Variants in SOS1 observed in about 807,000 individuals in gnomAD.
SOS1 encodes SOS Ras/Rac guanine nucleotide exchange factor 1, also known as son of sevenless homolog 1.
In SOS1, 25 loss-of-function variants were observed where a neutral mutation model predicts 157.6. The observed-to-expected ratio is 0.16, with a 90% CI of 0.12 to 0.22. The LOEUF is 0.22. Ranked by LOEUF, SOS1 falls within the 10% of genes least tolerant of loss-of-function variation. The probability of loss-of-function intolerance (pLI) is 1.00; values close to 1 mark genes in which losing one functional copy is unlikely to be tolerated. For synonymous variants in SOS1, 528 were observed against 534.0 expected, an observed-to-expected ratio of 0.99 and a Z score of 0.16; for missense variants, 1,237 against 1,599.1, an observed-to-expected ratio of 0.77 and a Z score of 3.86.
rs183011972 is a variant in SOS1 at position 39,077,953 on chromosome 2, T to C, written c.88-10200A>G. Among the ~76,000 whole-genome samples, 362 of 152,306 alleles carry C rather than the reference T, an allele frequency of 2.4e-3. 1 individual carries two copies. Among genetic ancestry groups the C allele is most frequent in the Admixed American group, 4.4e-3 (67 of 15,282 alleles). The stretch of plus-strand genomic sequence containing the variant: ...AAAATGAAGAAAAATTCTAATTCAA[T>C]TTCATTAAGAACTACTGCTTAATCA... On this transcript the variant is annotated intron_variant, in intron 1 of 22. Coordinates refer to ENST00000402219, the MANE Select transcript of SOS1 (RefSeq NM_005633.4).
chr2:39,098,744 C>A (rs1427878689), intron 1 of SOS1, among the ~76,000 whole-genome samples: 7 of 152,158 alleles, frequency 4.6e-5, no homozygotes, highest in African/African-American at 1.7e-4. Context: ...AAAAAATTAC[C>A]CAGGTGTGGT....
chr2:39,113,784 G>C (rs1673532097), intron 1 of SOS1, among the ~76,000 whole-genome samples: 1 of 152,070 alleles, frequency 6.6e-6, no homozygotes, highest in Admixed American at 6.5e-5. Flanking sequence ...TTCCTCAAAG[G>C]CTCTTAGTAA....
At chr2:39,077,081 G>A (rs1295739855) in intron 1 of SOS1, among the ~76,000 whole-genome samples, 2 of 152,180 alleles carry the variant, frequency 1.3e-5, no homozygotes, top group East Asian at 1.9e-4. Flanking sequence ...AGTGACTCAC[G>A]CCTGTAATCC....
At chr2:39,032,124 A>G (rs1670180867) in intron 8 of SOS1, among the ~76,000 whole-genome samples, 1 of 152,214 alleles carries the variant, frequency 6.6e-6, no homozygotes. Flanking sequence ...GCATTAACAC[A>G]TACTTTTTTT....
chr2:39,106,612 A>C (rs1264457298), intron 1 of SOS1, among the ~76,000 whole-genome samples: 6 of 148,766 alleles, frequency 4.0e-5, no homozygotes, highest in African/African-American at 1.5e-4. Context: ...CAAAAAAAAA[A>C]ACAAAACATC....
chr2:38,988,217 C>T (rs942942010), intron 21 of SOS1, among the ~76,000 whole-genome samples: 1 of 152,148 alleles, frequency 6.6e-6, no homozygotes, highest in African/African-American at 2.4e-5. Context: ...GGTGATGGCA[C>T]TATTCAAGAC....
chr2:39,081,172 C>CA (rs1394510564), intron 1 of SOS1, among the ~76,000 whole-genome samples: 3 of 151,890 alleles, frequency 2.0e-5, no homozygotes, highest in Non-Finnish European at 2.9e-5. Flanking sequence ...AAAACAAGAA[C>CA]AAAAAATAAT....
intron 6 of SOS1, among the ~76,000 whole-genome samples, chr2:39,038,201 A>G (rs1169633313): frequency 6.6e-6 from 1 of 152,226 alleles, no homozygotes; most frequent in African/African-American, 2.4e-5. Flanking sequence ...CAGTAAGAAC[A>G]TTTGTTATTT....
intron 2 of SOS1, among the ~76,000 whole-genome samples, chr2:39,063,979 T>C (rs1159659612): frequency 6.6e-6 from 1 of 152,116 alleles, no homozygotes; most frequent in African/African-American, 2.4e-5. Flanking sequence ...ACTACAGGCA[T>C]GTAGCCCCAT....
intron 1 of SOS1, among the ~76,000 whole-genome samples, chr2:39,069,864 A>G (rs1368243867): frequency 1.3e-5 from 2 of 152,216 alleles, no homozygotes; most frequent in East Asian, 3.9e-4. Context: ...AAATTTTTTT[A>G]ACAATTTAAT....
At chr2:38,986,422 A>C in intron 22 of SOS1, 107 bp from the exon 23 acceptor site, 8 of 1,068,392 alleles carry the variant, frequency 7.5e-6, no homozygotes, top group Non-Finnish European at 1.1e-5. Flanking sequence ...CAGGATGCTA[A>C]GTGTGGAACA....
At chr2:39,074,507 C>CA (rs537908291) in intron 1 of SOS1, among the ~76,000 whole-genome samples, 32 of 151,548 alleles carry the variant, frequency 2.1e-4, no homozygotes, top group South Asian at 6.3e-4. Context: ...GAGCAAAAGA[C>CA]AAAAAAAAGA....
intron 6 of SOS1, among the ~76,000 whole-genome samples, chr2:39,047,158 T>A (rs762712981): frequency 6.6e-6 from 1 of 152,188 alleles, no homozygotes; most frequent in Non-Finnish European, 1.5e-5. Flanking sequence ...AAGATACATG[T>A]TTCTGAACTT....
At chr2:39,109,827 A>G (rs1673345925) in intron 1 of SOS1, among the ~76,000 whole-genome samples, 1 of 152,200 alleles carries the variant, frequency 6.6e-6, no homozygotes, top group African/African-American at 2.4e-5. Context: ...ATAAAATACT[A>G]TCTGCCATGG....
intron 1 of SOS1, among the ~76,000 whole-genome samples, chr2:39,076,648 G>C (rs1326145348): frequency 1.3e-5 from 2 of 152,032 alleles, no homozygotes; most frequent in Non-Finnish European, 2.9e-5. Flanking sequence ...TCCTAAACTT[G>C]ATAAAGGATA....
At chr2:39,084,517 A>G (rs1214134575) in intron 1 of SOS1, among the ~76,000 whole-genome samples, 2 of 152,136 alleles carry the variant, frequency 1.3e-5, no homozygotes, top group Non-Finnish European at 2.9e-5. Context: ...AGAAGAGAAG[A>G]AAAAGGGGGA....
Position 38,987,553 on chromosome 2 carries a change from T to G in SOS1, c.3430A>C (p.Thr1144Pro), listed in dbSNP as rs1232927548. Residue 1144 changes from threonine (T) to proline (P), a missense_variant, in exon 22 of 23, where the codon ACT (threonine) becomes CCT (proline). Physicochemically the swap from Thr to Pro is conservative, Grantham distance 38. Around this residue, in one of 15 missense-constraint regions of SOS1, gnomAD observed 306 missense variants for 322.6 expected, o/e 0.95. Coordinates refer to ENST00000402219, the MANE Select transcript of SOS1 (RefSeq NM_005633.4). Reference protein sequence around the residue: ...SVSSISLTKGTDEVPVPPPVP... With the variant: ...SVSSISLTKGPDEVPVPPPVP... ...GGAGGAGGGACAGGCACTTCATCAG[T>G]GCCTTTGGTTAAACTTATAGATGAT... 1 of 1,601,680 alleles carries G rather than the reference T, an allele frequency of 6.2e-7. No individual in the cohort carries two copies.
At chr2:39,035,664 T>C (rs1247941188) in intron 6 of SOS1, among the ~76,000 whole-genome samples, 164 bp from the exon 7 acceptor site, 1 of 152,214 alleles carries the variant, frequency 6.6e-6, no homozygotes, top group African/African-American at 2.4e-5. Context: ...GAGATCCCAA[T>C]ATTCTCAAGT....
intron 15 of SOS1, among the ~76,000 whole-genome samples, chr2:39,009,762 G>A (rs1346776724): frequency 6.6e-6 from 1 of 152,120 alleles, no homozygotes; most frequent in Non-Finnish European, 1.5e-5. Flanking sequence ...AAAGGGAATA[G>A]AGCTACATAG....
Sources: gnomAD v4.1 joint callset for allele counts (sites outside exome capture counted in the v4.1 genomes callset) on GRCh38, gnomAD v4.1.1 for gene constraint, gnomAD v4.1.1 regional missense constraint, MANE v1.5 for transcripts, NCBI Gene and HGNC (gene_info 2026-07-23, HGNC 2026-07-21) for gene names.